NOS1AP: variants seen among roughly 807,000 people sequenced by gnomAD.
NOS1AP encodes carboxyl-terminal PDZ ligand of neuronal nitric oxide synthase protein.
NOS1AP carries 21 observed loss-of-function variants against 56.2 expected under a neutral mutation model. The ratio of observed to expected loss-of-function variants is 0.37; its 90% CI spans 0.26 to 0.54. The LOEUF (loss-of-function observed/expected upper bound fraction) is 0.54. NOS1AP is among the 20% of genes least tolerant of loss of function. The pLI is 0.84. For missense variants in NOS1AP, 522 were observed against 657.8 expected (o/e 0.79, Z 2.26); for synonymous variants, 270 against 274.6 (o/e 0.98, Z 0.17).
At chr1:162,149,708 C>T (rs551676118) in intron 1 of NOS1AP, among the ~76,000 whole-genome samples, 24 of 152,298 alleles carry the variant, frequency 1.6e-4, no homozygotes, top group Non-Finnish European at 2.9e-4. Flanking sequence ...CTTTGTGTAT[C>T]GTTTTAATCT....
rs187567084 is a variant in NOS1AP, at chr1:162,082,324, C to A, written c.105+12042C>A. Among the ~76,000 whole-genome samples, 11 of 152,226 alleles carry A rather than the reference C, an allele frequency of 7.2e-5. No homozygotes were observed. In the East Asian group the frequency reaches 2.1e-3, roughly 29 times the overall value. On this transcript the variant is annotated intron_variant, in intron 1 of 9. Transcript: ENST00000361897. ...CCATGATGCATATGTACCACATTAC[C>A]TAGTCTATCTATCATTGATAGGCAT...
chr1:162,186,068 A>G (rs903201648), intron 2 of NOS1AP, among the ~76,000 whole-genome samples: 1 of 152,160 alleles, frequency 6.6e-6, no homozygotes, highest in Non-Finnish European at 1.5e-5. Flanking sequence ...TTTTTTGTAA[A>G]TGTTAAAATA....
At chr1:162,229,547 A>T (rs906386597) in intron 2 of NOS1AP, among the ~76,000 whole-genome samples, 3 of 151,596 alleles carry the variant, frequency 2.0e-5, no homozygotes, top group Non-Finnish European at 4.4e-5. Context: ...TTGAAGCCTG[A>T]GTTTCTGTTT....
intron 2 of NOS1AP, among the ~76,000 whole-genome samples, chr1:162,171,371 C>T (rs904699919): frequency 1.3e-5 from 2 of 152,106 alleles, no homozygotes; most frequent in African/African-American, 4.8e-5. Flanking sequence ...TCTCCCCTTG[C>T]TGTTATTGGA....
chr1:162,273,324 C>T (rs1023439313), intron 2 of NOS1AP, among the ~76,000 whole-genome samples: 2 of 151,912 alleles, frequency 1.3e-5, no homozygotes, highest in Admixed American at 6.6e-5. Flanking sequence ...CCACCACACC[C>T]GGCTAATTTT....
chr1:162,304,979 C>G (rs1655775462), intron 4 of NOS1AP, among the ~76,000 whole-genome samples: 2 of 152,108 alleles, frequency 1.3e-5, no homozygotes, highest in South Asian at 4.1e-4. Flanking sequence ...AGAATACATA[C>G]AATTGTTTGT....
chr1:162,244,370 A>G (rs562059621), intron 2 of NOS1AP, among the ~76,000 whole-genome samples: 14 of 152,290 alleles, frequency 9.2e-5, no homozygotes, highest in African/African-American at 3.4e-4. Context: ...GTTGAATTTA[A>G]GTATGGAACC....
At chr1:162,132,060 G>C (rs1407143571) in intron 1 of NOS1AP, among the ~76,000 whole-genome samples, 2 of 152,194 alleles carry the variant, frequency 1.3e-5, no homozygotes, top group African/African-American at 2.4e-5. Flanking sequence ...TGGTGATAAT[G>C]GCATGTGTGT....
chr1:162,301,806 A>G (rs1373389169), intron 4 of NOS1AP, among the ~76,000 whole-genome samples: 3 of 152,190 alleles, frequency 2.0e-5, no homozygotes, highest in African/African-American at 4.8e-5. Flanking sequence ...CCGCTCTCAA[A>G]TTATTGCCAT....
chr1:162,309,693 G>A (rs187389696), intron 4 of NOS1AP, among the ~76,000 whole-genome samples: 23 of 152,240 alleles, frequency 1.5e-4, no homozygotes, highest in Non-Finnish European at 2.8e-4. Flanking sequence ...GGGGACAGCC[G>A]TTTAGTTACT....
In NOS1AP at chr1:162,070,053, C is replaced by A; in HGVS notation, c.-125C>A. ...GGCCGCCGCGCGGCCAGGGCTCCCC[C>A]TGCCCAGCGCTCCCAGGCCCCGCCA... On this transcript the variant is annotated 5_prime_UTR_variant, in exon 1 of 10. In the 5' UTR this introduces an upstream ATG that the reference lacks. Coordinates refer to ENST00000361897, the MANE Select transcript of NOS1AP (RefSeq NM_014697.3). 1.4e-6 allele frequency: 1 copy of A among 691,624 alleles called. No individual in the cohort carries two copies. The highest frequency in any genetic ancestry group is 2.4e-6 in the Non-Finnish European group (1 of 416,900). The allele number at this position is 691,624 out of a possible 1,614,324, so 42.8% of individuals were successfully genotyped here.
intron 2 of NOS1AP, among the ~76,000 whole-genome samples, chr1:162,198,036 G>T (rs1651865121): frequency 6.6e-6 from 1 of 152,242 alleles, no homozygotes; most frequent in African/African-American, 2.4e-5. Flanking sequence ...GGCGTCATGG[G>T]CCCGGCCTGG....
chr1:162,213,388 G>A (rs1652436764), intron 2 of NOS1AP, among the ~76,000 whole-genome samples: 1 of 152,136 alleles, frequency 6.6e-6, no homozygotes. Flanking sequence ...TTGCATTGAG[G>A]GAGGAGACTC....
intron 1 of NOS1AP, among the ~76,000 whole-genome samples, chr1:162,122,509 ATTT>A (rs35388532): frequency 2.8e-5 from 4 of 142,232 alleles, no homozygotes; most frequent in African/African-American, 2.6e-5. Flanking sequence ...ATGAATCCCC[ATTT>A]TTTTTTTTTT....
chr1:162,122,939 A>G (rs911891364), intron 1 of NOS1AP, among the ~76,000 whole-genome samples: 1 of 152,196 alleles, frequency 6.6e-6, no homozygotes, highest in African/African-American at 2.4e-5. Flanking sequence ...TGTTTTATCA[A>G]CAGTATATAT....
chr1:162,349,869 G>A (rs1657435976), intron 6 of NOS1AP, among the ~76,000 whole-genome samples: 1 of 152,196 alleles, frequency 6.6e-6, no homozygotes, highest in African/African-American at 2.4e-5. Context: ...CTTTGAGTCT[G>A]AGCATTTGGA....
At chr1:162,233,810 C>G (rs182835858) in intron 2 of NOS1AP, among the ~76,000 whole-genome samples, 4 of 152,350 alleles carry the variant, frequency 2.6e-5, no homozygotes, top group Admixed American at 2.6e-4. Flanking sequence ...AGTGGTTCCT[C>G]TTCTTCCAAG....
chr1:162,247,433 T>C (rs182869357), intron 2 of NOS1AP, among the ~76,000 whole-genome samples: 53 of 152,276 alleles, frequency 3.5e-4, no homozygotes, highest in Non-Finnish European at 7.1e-4. Flanking sequence ...ATTCCCAGAG[T>C]TCCCAGGGTT....
intron 2 of NOS1AP, among the ~76,000 whole-genome samples, chr1:162,250,185 A>G (rs1336020475): frequency 6.6e-6 from 1 of 152,146 alleles, no homozygotes; most frequent in Non-Finnish European, 1.5e-5. Flanking sequence ...ACCAAACCAA[A>G]TGCCCATTTT....
Sources: allele counts gnomAD v4.1 joint callset (sites outside exome capture counted in the v4.1 genomes callset), GRCh38; gene constraint gnomAD v4.1.1; transcripts MANE v1.5; gene names NCBI Gene and HGNC (gene_info 2026-07-23, HGNC 2026-07-21).